Variants in NOX4 observed in about 807,000 individuals in gnomAD.
NOX4 encodes the protein kidney oxidase-1.
A neutral mutation model predicts 87.6 loss-of-function variants in NOX4; 69 were observed. The ratio of observed to expected loss-of-function variants is 0.79; its 90% CI spans 0.65 to 0.96. The LOEUF (loss-of-function observed/expected upper bound fraction) is 0.96. Ranked by LOEUF, NOX4 falls within the 40% of genes least tolerant of loss-of-function variation. NOX4 has a pLI of 0.00. For missense variants in NOX4, 680 were observed against 681.5 expected (o/e 1.00, Z 0.02); for synonymous variants, 275 against 238.2 (o/e 1.15, Z -1.42).
At chr11:89,361,967 T>C (rs1938557402) in intron 12 of NOX4, among the ~76,000 whole-genome samples, 2 of 151,934 alleles carry the variant, frequency 1.3e-5, no homozygotes, top group South Asian at 4.1e-4. Flanking sequence ...GCAGCTCACA[T>C]CCATTGACTG....
At chr11:89,552,040 T>TAA in the NOX4 span, among the ~76,000 whole-genome samples, 1 of 152,170 alleles carries the variant, frequency 6.6e-6, no homozygotes, top group Admixed American at 6.6e-5. Flanking sequence ...CAAAAATACT[T>TAA]ATTTTTACCA....
At chr11:89,563,989 G>C in the NOX4 span, among the ~76,000 whole-genome samples, 3 of 152,102 alleles carry the variant, frequency 2.0e-5, no homozygotes, top group African/African-American at 7.2e-5. Flanking sequence ...TTCTGATTTA[G>C]AGGGGTTTAC....
At chr11:89,348,655 C>A (rs1181299481) in intron 13 of NOX4, among the ~76,000 whole-genome samples, 3 of 152,092 alleles carry the variant, frequency 2.0e-5, no homozygotes, top group Non-Finnish European at 4.4e-5. Flanking sequence ...CCACATTTCT[C>A]CTTATACCTC....
chr11:89,445,909 T>G (rs538102), intron 4 of NOX4, among the ~76,000 whole-genome samples: 99,453 of 151,988 alleles, frequency 0.65, 34,426 homozygotes, highest in African/African-American at 0.89. Flanking sequence ...AAAAGACGTT[T>G]TGAACACCAT....
rs549939142 is a variant in NOX4, at chr11:89,376,733, T to G, written c.1075-3241A>C. 1.3e-4 allele frequency among the ~76,000 whole-genome samples: 20 copies of G among 152,058 alleles called. No individual in the cohort carries two copies. The South Asian group carries it at 4.2e-3, about 32-fold the overall frequency. On this transcript the variant is annotated intron_variant, in intron 11 of 17. Transcript: ENST00000263317. ...CTGTCTCTACTAAAAATACAAAAAA[T>G]TAGCCAGGCATGGTGGTAGGTGCCT...
intron 13 of NOX4, among the ~76,000 whole-genome samples, chr11:89,344,840 C>T (rs1321380205): frequency 6.6e-6 from 1 of 152,038 alleles, no homozygotes; most frequent in African/African-American, 2.4e-5. Flanking sequence ...AACTCCAAAG[C>T]TTAGTTTGTT....
the NOX4 span, among the ~76,000 whole-genome samples, chr11:89,517,700 C>A: frequency 5.3e-5 from 8 of 151,438 alleles, no homozygotes; most frequent in Admixed American, 4.6e-4. Context: ...CCATGCTGGT[C>A]TCAAACTCAT....
At chr11:89,440,547 G>C (rs1263057479) in intron 6 of NOX4, 141 bp downstream of exon 6, 4 of 453,504 alleles carry the variant, frequency 8.8e-6, no homozygotes, top group African/African-American at 8.3e-5. Context: ...CTGGTTTCGA[G>C]TTCCTGACCT....
intron 2 of NOX4, among the ~76,000 whole-genome samples, chr11:89,456,386 C>A (rs187310297): frequency 6.6e-6 from 1 of 152,044 alleles, no homozygotes; most frequent in East Asian, 1.9e-4. Flanking sequence ...AAGATTTAGT[C>A]TGAAAAGAAA....
the NOX4 span, among the ~76,000 whole-genome samples, chr11:89,508,056 G>C: frequency 1.5e-4 from 23 of 151,954 alleles, no homozygotes; most frequent in Non-Finnish European, 2.1e-4. Flanking sequence ...CAACCAGGAA[G>C]ATCAAATAAA....
chr11:89,412,034 C>T (rs1436119088), intron 8 of NOX4, among the ~76,000 whole-genome samples: 2 of 151,790 alleles, frequency 1.3e-5, no homozygotes, highest in African/African-American at 4.8e-5. Flanking sequence ...TAATATCAGA[C>T]AAAATAGATT....
At chr11:89,522,756 G>T in the NOX4 span, among the ~76,000 whole-genome samples, 4,339 of 152,218 alleles carry the variant, frequency 0.029, 195 homozygotes, top group African/African-American at 0.094. Flanking sequence ...TATAAAAATT[G>T]TATCTACCAA....
chr11:89,438,401 A>T (rs1207279739), intron 6 of NOX4, among the ~76,000 whole-genome samples: 5 of 113,566 alleles, frequency 4.4e-5, no homozygotes, highest in African/African-American at 1.1e-4. Flanking sequence ...TTATAATATA[A>T]ATAATATATA....
intron 11 of NOX4, among the ~76,000 whole-genome samples, chr11:89,385,781 AAC>A (rs1221150241): frequency 6.6e-6 from 1 of 152,150 alleles, no homozygotes; most frequent in Admixed American, 6.5e-5. Context: ...CGAGTCAGGA[AAC>A]TAAAATACCT....
chr11:89,589,034 A>G, the NOX4 span, among the ~76,000 whole-genome samples: 1 of 152,172 alleles, frequency 6.6e-6, no homozygotes, highest in Non-Finnish European at 1.5e-5. Context: ...CAGACAACAT[A>G]TTAGCCTAAG....
chr11:89,412,649 A>T (rs1313159008), intron 8 of NOX4, among the ~76,000 whole-genome samples: 1 of 152,100 alleles, frequency 6.6e-6, no homozygotes, highest in African/African-American at 2.4e-5. Context: ...GAATAAAACT[A>T]GATCTCTATC....
rs188592238 is a variant in NOX4 at position 89,426,428 on chromosome 11, G to A, written c.549-4446C>T. Among the ~76,000 whole-genome samples the A allele has an allele frequency of 6.6e-5, 10 of 152,048 alleles. No individual in the cohort carries two copies. The East Asian group carries it at 7.8e-4, about 12-fold the overall frequency. On this transcript the variant is annotated intron_variant, in intron 7 of 17. Coordinates refer to ENST00000263317, the MANE Select transcript of NOX4 (RefSeq NM_016931.5). ...ATGAGCTGAAGCAGGGTGAGGCATC[G>A]CCTCACCTGGGAAGCGCAAGGGGTC...
At chr11:89,330,321 C>A (rs1244374705) in intron 17 of NOX4, among the ~76,000 whole-genome samples, 1 of 151,888 alleles carries the variant, frequency 6.6e-6, no homozygotes, top group Non-Finnish European at 1.5e-5. Context: ...TGCACTCTGG[C>A]CTGAGCAACA....
intron 11 of NOX4, among the ~76,000 whole-genome samples, chr11:89,388,626 G>A (rs1235537949): frequency 2.0e-5 from 3 of 152,100 alleles, no homozygotes; most frequent in Non-Finnish European, 2.9e-5. Context: ...CAATATGCCT[G>A]CCAGCCTGTT....
Sources: allele counts gnomAD v4.1 joint callset (sites outside exome capture counted in the v4.1 genomes callset), GRCh38; gene constraint gnomAD v4.1.1; transcripts MANE v1.5; gene names NCBI Gene and HGNC (gene_info 2026-07-23, HGNC 2026-07-21).